Variants in AFF3 observed in about 807,000 individuals in gnomAD.
AFF3 encodes the protein AF4/FMR2 family member 3.
In AFF3, 32 loss-of-function variants were observed where a neutral mutation model predicts 129.7. The ratio of observed to expected loss-of-function variants is 0.25; its 90% CI spans 0.19 to 0.33. The LOEUF is 0.33. Ranked by LOEUF, AFF3 falls within the 10% of genes least tolerant of loss-of-function variation. AFF3 has a pLI of 1.00. For synonymous variants in AFF3, 644 were observed against 635.4 expected (o/e 1.01, Z -0.20); for missense variants, 1,373 against 1,592.0 (o/e 0.86, Z 2.34).
chr2:100,012,173 C>G (rs10196663), intron 4 of AFF3, among the ~76,000 whole-genome samples: 1 of 152,126 alleles, frequency 6.6e-6, no homozygotes, highest in Non-Finnish European at 1.5e-5. Context: ...CCATCATGCT[C>G]GTGCCATGCT....
chr2:100,066,369 T>C (rs890073375), intron 4 of AFF3, among the ~76,000 whole-genome samples: 2 of 152,168 alleles, frequency 1.3e-5, no homozygotes, highest in African/African-American at 2.4e-5. Flanking sequence ...CATTTGGTAA[T>C]GAACGAGCCA....
chr2:100,113,717 G>A (rs1471536471), intron 2 of AFF3, among the ~76,000 whole-genome samples: 2 of 152,328 alleles, frequency 1.3e-5, no homozygotes, highest in African/African-American at 2.4e-5. Context: ...CTAACATTGG[G>A]TTGGGTCTAA....
At chr2:99,784,035 T>C (rs899482599) in intron 8 of AFF3, among the ~76,000 whole-genome samples, 1 of 152,226 alleles carries the variant, frequency 6.6e-6, no homozygotes. Flanking sequence ...TTCTGAAAAG[T>C]ATTCAAAGAA....
chr2:99,859,294 TC>T (rs1690788844), intron 7 of AFF3, among the ~76,000 whole-genome samples: 1 of 152,158 alleles, frequency 6.6e-6, no homozygotes, highest in Non-Finnish European at 1.5e-5. Context: ...TAGAACCACA[TC>T]CTTTTTAGCA....
chr2:100,042,182 T>C (rs923559051), intron 4 of AFF3, among the ~76,000 whole-genome samples: 1 of 152,140 alleles, frequency 6.6e-6, no homozygotes, highest in African/African-American at 2.4e-5. Context: ...CGCTGTTTTC[T>C]TTGTTTGAAA....
intron 4 of AFF3, among the ~76,000 whole-genome samples, chr2:100,009,745 G>C (rs552665911): frequency 6.6e-6 from 1 of 152,310 alleles, no homozygotes; most frequent in East Asian, 1.9e-4. Context: ...AGAAAACAAA[G>C]GGGCTAATTC....
chr2:99,560,970 G>A (rs916177085), intron 20 of AFF3, among the ~76,000 whole-genome samples: 1 of 152,180 alleles, frequency 6.6e-6, no homozygotes, highest in African/African-American at 2.4e-5. Flanking sequence ...GAAACTAGTG[G>A]CTTTTATGGA....
intron 13 of AFF3, among the ~76,000 whole-genome samples, chr2:99,618,321 C>T (rs749127280): frequency 2.7e-5 from 4 of 147,036 alleles, no homozygotes; most frequent in African/African-American, 5.1e-5. Flanking sequence ...CTGCAAACTC[C>T]GCCTCCTGGG....
At chr2:99,791,457 T>C (rs1212091101) in intron 8 of AFF3, among the ~76,000 whole-genome samples, 1 of 152,230 alleles carries the variant, frequency 6.6e-6, no homozygotes, top group Non-Finnish European at 1.5e-5. Context: ...AGATAGTCTG[T>C]GCCTGTTCAG....
intron 4 of AFF3, among the ~76,000 whole-genome samples, chr2:100,087,994 A>G (rs1214202761): frequency 1.3e-5 from 2 of 151,340 alleles, no homozygotes; most frequent in African/African-American, 4.8e-5. Context: ...AAAACACTCA[A>G]CAAACTAGGA....
intron 1 of AFF3, among the ~76,000 whole-genome samples, chr2:100,133,300 T>A (rs1361607372): frequency 5.3e-5 from 8 of 150,792 alleles, no homozygotes; most frequent in Non-Finnish European, 1.2e-4. Flanking sequence ...TAAAAACAAT[T>A]AAAAAAAAAC....
chr2:100,033,125 A>G (rs899285468), intron 4 of AFF3, among the ~76,000 whole-genome samples: 4 of 152,142 alleles, frequency 2.6e-5, no homozygotes, highest in Non-Finnish European at 5.9e-5. Context: ...TGCCATACCC[A>G]TATTTCCTTC....
Position 99,649,670 on chromosome 2 carries a change from GAAGA to G in AFF3, c.1144-8_1144-5del, listed in dbSNP as rs780922543. 15 of 1,613,988 alleles carry G rather than the reference GAAGA, an allele frequency of 9.3e-6. No homozygotes were observed. Among genetic ancestry groups the G allele is most frequent in the South Asian group, 7.7e-5 (7 of 91,076 alleles). ...GAGCCGTTCTCTGAGCTGCCTGCTG[GAAGA>G]AAGAAAGGGCAGAGATGTTTATTTA... On this transcript the variant is annotated splice_region_variant and splice_polypyrimidine_tract_variant and intron_variant, in intron 12 of 24. Transcript: ENST00000672756.
At chr2:100,129,036 T>C (rs1692314064) in intron 2 of AFF3, among the ~76,000 whole-genome samples, 188 bp downstream of exon 2, 1 of 152,186 alleles carries the variant, frequency 6.6e-6, no homozygotes, top group Non-Finnish European at 1.5e-5. Context: ...CTCATAGGCC[T>C]GGCTACCTTC....
At chr2:99,865,907 C>A (rs1424963254) in intron 7 of AFF3, among the ~76,000 whole-genome samples, 1 of 152,182 alleles carries the variant, frequency 6.6e-6, no homozygotes, top group African/African-American at 2.4e-5. Flanking sequence ...AAATGAGAAG[C>A]AATGATGGAC....
intron 12 of AFF3, among the ~76,000 whole-genome samples, chr2:99,661,991 A>G (rs892812030): frequency 1.3e-5 from 2 of 152,134 alleles, no homozygotes; most frequent in African/African-American, 4.8e-5. Flanking sequence ...AATGCAAAAA[A>G]TAGCTGGGCA....
At chr2:99,703,262 C>G (rs894046292) in intron 11 of AFF3, among the ~76,000 whole-genome samples, 4 of 152,164 alleles carry the variant, frequency 2.6e-5, no homozygotes, top group African/African-American at 7.2e-5. Context: ...ATCTTCAAAG[C>G]CAGCAGCATT....
intron 7 of AFF3, among the ~76,000 whole-genome samples, chr2:100,005,231 C>G (rs1278907927): frequency 6.6e-6 from 1 of 152,112 alleles, no homozygotes; most frequent in Non-Finnish European, 1.5e-5. Context: ...TACTGGCAAT[C>G]AAAAATTCAT....
chr2:99,691,773 G>A (rs1184370733), intron 11 of AFF3, among the ~76,000 whole-genome samples: 3 of 152,152 alleles, frequency 2.0e-5, no homozygotes, highest in Non-Finnish European at 2.9e-5. Flanking sequence ...GACAGGGTGT[G>A]GGGTAATGGG....
Sources: gnomAD v4.1 joint callset for allele counts (sites outside exome capture counted in the v4.1 genomes callset) on GRCh38, gnomAD v4.1.1 for gene constraint, MANE v1.5 for transcripts, NCBI Gene and HGNC (gene_info 2026-07-23, HGNC 2026-07-21) for gene names.